The following FBLN5 variants were observed in gnomAD, a reference collection of about 807,000 sequenced individuals.
FBLN5 encodes fibulin-5.
In FBLN5, 24 loss-of-function variants were observed where a neutral mutation model predicts 61.6. The ratio of observed to expected loss-of-function variants is 0.39; its 90% CI spans 0.28 to 0.55. FBLN5 has a LOEUF of 0.55. Among genes scored for constraint, FBLN5 ranks in the 20% least tolerant of loss-of-function variants. FBLN5 has a pLI of 0.65. For missense variants in FBLN5, 470 were observed against 594.1 expected (o/e 0.79, Z 2.17); for synonymous variants, 213 against 219.8 (o/e 0.97, Z 0.27).
At position 91,902,034 on chromosome 14, in the gene FBLN5, T is replaced by C. The variant is rs544238168; in HGVS notation, c.380-6962A>G. Among the ~76,000 whole-genome samples the C allele has an allele frequency of 3.3e-5, 5 of 152,208 alleles. 1 individual carries two copies. The highest frequency in any genetic ancestry group is 7.3e-5 in the Non-Finnish European group (5 of 68,028). On this transcript the variant is annotated intron_variant, in intron 4 of 10. Coordinates refer to ENST00000342058, the MANE Select transcript of FBLN5 (RefSeq NM_006329.4). The stretch of plus-strand genomic sequence containing the variant: ...AACTATGCAACTAATGGAGATCACA[T>C]TGTTTGGTTCTTGGGTAATTACTTT...
chr14:91,888,116 T>C lies in FBLN5; in HGVS notation c.620-804A>G, dbSNP rs530833496. Among the ~76,000 whole-genome samples the C allele has an allele frequency of 2.0e-3, 299 of 151,446 alleles. 8 individuals are homozygous for C. In the South Asian group the frequency reaches 0.058, roughly 30 times the overall value. Reference sequence around the variant, plus strand: ...GAGTTTGAGACCAACCTGGGCAACATAGTGGGACCCCATCTCTTCAAAAAA... The same window carrying C: ...GAGTTTGAGACCAACCTGGGCAACACAGTGGGACCCCATCTCTTCAAAAAA... On this transcript the variant is annotated intron_variant, in intron 6 of 10. Transcript: ENST00000342058.
chr14:91,914,243 C>T (rs888841792), intron 4 of FBLN5, among the ~76,000 whole-genome samples: 7 of 151,790 alleles, frequency 4.6e-5, no homozygotes, highest in East Asian at 3.9e-4. Context: ...TTTGGGAGGC[C>T]GAGGCAGGCA....
chr14:91,942,184 A>G (rs1201345613), intron 2 of FBLN5: 3 of 455,888 alleles, frequency 6.6e-6, no homozygotes, highest in African/African-American at 6.0e-5. Flanking sequence ...CCTGTTGCTT[A>G]AAATAAAGTC....
At chr14:91,921,232 G>C (rs1345214466) in intron 4 of FBLN5, among the ~76,000 whole-genome samples, 1 of 152,234 alleles carries the variant, frequency 6.6e-6, no homozygotes, top group East Asian at 1.9e-4. Flanking sequence ...GTAAAGCAGA[G>C]AAGAGCTGAG....
At chr14:91,909,310 C>T (rs1234649940) in intron 4 of FBLN5, among the ~76,000 whole-genome samples, 1 of 152,132 alleles carries the variant, frequency 6.6e-6, no homozygotes, top group African/African-American at 2.4e-5. Flanking sequence ...GTGAGTGATG[C>T]GAGGGCAGGA....
Position 91,894,929 on chromosome 14 carries a change from A to AC in FBLN5, c.502+20dup, listed in dbSNP as rs544473433. 2.8e-4 allele frequency: 433 copies of AC among 1,552,492 alleles called. 1 individual carries two copies. Among genetic ancestry groups the AC allele is most frequent in the South Asian group, 2.4e-3 (220 of 90,272 alleles). ...CCGTTAACTTCCAAGAGTCCCTGTG[A>AC]CCCCCCCAGAGAGCTGTTACCTAAG... On this transcript the variant is annotated intron_variant, in intron 5 of 10. Transcript: ENST00000342058.
chr14:91,901,650 AC>A (rs910733212), intron 4 of FBLN5, among the ~76,000 whole-genome samples: 1 of 151,988 alleles, frequency 6.6e-6, no homozygotes, highest in Non-Finnish European at 1.5e-5. Flanking sequence ...CTTCCCAAAC[AC>A]CTGTTTAATT....
chr14:91,906,001 C>T (rs1251382311), intron 4 of FBLN5, among the ~76,000 whole-genome samples: 1 of 152,192 alleles, frequency 6.6e-6, no homozygotes, highest in African/African-American at 2.4e-5. Flanking sequence ...ATTCTTGTGC[C>T]TCAGCCTCCC....
chr14:91,884,535 C>T lies in FBLN5; in HGVS notation c.740-1459G>A, dbSNP rs374340910. On this transcript the variant is annotated intron_variant, in intron 7 of 10. Coordinates refer to ENST00000342058, the MANE Select transcript of FBLN5 (RefSeq NM_006329.4). ...TCACCTCAACCCCATGAAGGAGGTGCTATCACTCTCCATATTTTACAGAAG... is the reference window on the plus strand; with the variant it reads ...TCACCTCAACCCCATGAAGGAGGTGTTATCACTCTCCATATTTTACAGAAG... 1.3e-4 allele frequency among the ~76,000 whole-genome samples: 20 copies of T among 152,348 alleles called. 1 individual carries two copies. Among genetic ancestry groups the T allele is most frequent in the African/African-American group, 4.8e-4 (20 of 41,584 alleles).
At chr14:91,946,766 C>A (rs931837119) in intron 1 of FBLN5, 2 of 1,536,046 alleles carry the variant, frequency 1.3e-6, no homozygotes, top group Non-Finnish European at 1.7e-6. Context: ...CTGTGAGAAT[C>A]CCACACAAAC....
At chr14:91,927,759 T>C (rs1214691703) in intron 4 of FBLN5, among the ~76,000 whole-genome samples, 1 of 152,266 alleles carries the variant, frequency 6.6e-6, no homozygotes, top group Admixed American at 6.5e-5. Flanking sequence ...CAGCCACTTT[T>C]GCCAGACCAG....
In FBLN5 at chr14:91,943,557, G is replaced by A. The variant is rs1380518439; in HGVS notation, c.18-596C>T. Among the ~76,000 whole-genome samples, 1 of 151,770 alleles carries A rather than the reference G, an allele frequency of 6.6e-6. No homozygotes were observed. Among genetic ancestry groups the A allele is most frequent in the African/African-American group, 2.4e-5 (1 of 41,286 alleles). ...AAACCTCCCACTATGGTATTAACCA[G>A]TTCCTTGGTCTTTATTCTTTATGCG... On this transcript the variant is annotated intron_variant, in intron 1 of 10. Coordinates refer to ENST00000342058, the MANE Select transcript of FBLN5 (RefSeq NM_006329.4). The surrounding 1 kb of genome is among the most constrained non-coding windows in gnomAD (Gnocchi z 4.0).
chr14:91,945,143 A>T (rs1327242943), intron 1 of FBLN5, among the ~76,000 whole-genome samples: 1 of 151,972 alleles, frequency 6.6e-6, no homozygotes, highest in Non-Finnish European at 1.5e-5. Flanking sequence ...AGGCAGACAA[A>T]TCACTTGAAC....
intron 1 of FBLN5, among the ~76,000 whole-genome samples, chr14:91,945,684 C>T (rs1328188575): frequency 6.6e-6 from 1 of 152,118 alleles, no homozygotes; most frequent in African/African-American, 2.4e-5. Flanking sequence ...GGAATAGGGC[C>T]CTGATACGAT....
chr14:91,922,314 G>A (rs1485375491), intron 4 of FBLN5, among the ~76,000 whole-genome samples: 16 of 143,544 alleles, frequency 1.1e-4, no homozygotes, highest in Middle Eastern at 3.6e-3. Context: ...TAATAATAAA[G>A]TAAATAAATA....
chr14:91,897,874 C>A (rs1462475667), intron 4 of FBLN5, among the ~76,000 whole-genome samples: 2 of 152,060 alleles, frequency 1.3e-5, no homozygotes, highest in Non-Finnish European at 2.9e-5. Flanking sequence ...CATGGCAAAA[C>A]CCTGTTTCTA....
intron 4 of FBLN5, among the ~76,000 whole-genome samples, chr14:91,930,202 G>A (rs781634270): frequency 6.6e-6 from 1 of 152,168 alleles, no homozygotes. Flanking sequence ...AGCCAGCCTC[G>A]ATGTTAGACA....
chr14:91,938,871 C>G (rs548235596), intron 3 of FBLN5, among the ~76,000 whole-genome samples: 64 of 152,292 alleles, frequency 4.2e-4, no homozygotes, highest in African/African-American at 1.5e-3. Context: ...ATGCAACAGC[C>G]TGTTCTCCAG....
intron 3 of FBLN5, among the ~76,000 whole-genome samples, chr14:91,938,663 GGGA>G (rs2056059010): frequency 6.6e-6 from 1 of 152,064 alleles, no homozygotes; most frequent in South Asian, 2.1e-4. Context: ...GTACAGACAG[GGGA>G]GGCCTGAACT....
Sources: gnomAD v4.1 joint callset for allele counts (sites outside exome capture counted in the v4.1 genomes callset) on GRCh38, gnomAD v4.1.1 for gene constraint, Gnocchi (gnomAD v3.1) non-coding constraint, MANE v1.5 for transcripts, NCBI Gene and HGNC (gene_info 2026-07-23, HGNC 2026-07-21) for gene names.